PLEKHH1: variants seen among roughly 807,000 people sequenced by gnomAD.
The protein encoded by PLEKHH1 is pleckstrin homology domain-containing family H member 1.
In PLEKHH1, 104 loss-of-function variants were observed where a neutral mutation model predicts 160.0. The observed-to-expected ratio is 0.65, with a 90% CI of 0.55 to 0.76. The LOEUF (loss-of-function observed/expected upper bound fraction) is 0.76, where lower values mean the gene tolerates loss of function less well. PLEKHH1 is among the 30% of genes least tolerant of loss of function. The pLI is 0.00. For missense variants in PLEKHH1, 1,427 were observed against 1,724.1 expected (o/e 0.83, Z 3.05); for synonymous variants, 619 against 678.4 (o/e 0.91, Z 1.36).
rs140809137 is a variant in PLEKHH1 at position 67,556,412 on chromosome 14, A to G, written c.189+525A>G. On this transcript the variant is annotated intron_variant, in intron 3 of 28. Coordinates refer to ENST00000329153, the MANE Select transcript of PLEKHH1 (RefSeq NM_020715.3). ...CAGCCTCCCAAAGTGCTGAGATTAC[A>G]GGCGTGAGCCACTGTGCCTAGCCTT... is the stretch of plus-strand genomic sequence containing the variant. Among the ~76,000 whole-genome samples the G allele has an allele frequency of 7.3e-4, 111 of 152,292 alleles. 1 individual carries two copies. The highest frequency in any genetic ancestry group is 2.5e-3 in the African/African-American group (104 of 41,558).
At chr14:67,579,492 A>G in intron 21 of PLEKHH1, 181 bp downstream of exon 21, 1 of 667,626 alleles carries the variant, frequency 1.5e-6, no homozygotes, top group Non-Finnish European at 2.5e-6. Context: ...AGGGCCTCCA[A>G]AAGATTGTTG....
At chr14:67,544,074 C>A (rs184662601) in intron 2 of PLEKHH1, among the ~76,000 whole-genome samples, 1 of 152,020 alleles carries the variant, frequency 6.6e-6, no homozygotes, top group African/African-American at 2.4e-5. Context: ...TGCATCAAGT[C>A]AGGACTATTA....
rs1186077406 is a variant in PLEKHH1, at chr14:67,582,113, G to A, written c.3329G>A (p.Arg1110Gln). The A allele has an allele frequency of 4.3e-6, 7 of 1,613,314 alleles. No individual in the cohort carries two copies. In the Admixed American group the frequency reaches 6.7e-5, roughly 15 times the overall value. The change falls in exon 24 of 29, where the codon CGG (arginine) becomes CAG (glutamine). Residue 1110 changes from arginine (R) to glutamine (Q), a missense_variant. Coordinates refer to ENST00000329153, the MANE Select transcript of PLEKHH1 (RefSeq NM_020715.3). This position sits in a 1 kb window ranked among gnomAD's most constrained non-coding sequence, Gnocchi z 5.0. Reference sequence around the variant, plus strand: ...GTCAAAGGGGAGACGGACCGAGAACGGCTGCTCCTTGCCTCTCAAACCAGT... The same window carrying A: ...GTCAAAGGGGAGACGGACCGAGAACAGCTGCTCCTTGCCTCTCAAACCAGT... ...SQVKGETDRE[R>Q]LLLASQTSRE...
chr14:67,541,959 A>G lies in PLEKHH1; in HGVS notation c.92A>G (p.Gln31Arg), dbSNP rs778244812. The G allele has an allele frequency of 3.7e-5, 60 of 1,607,784 alleles. No homozygotes were observed. Among genetic ancestry groups the G allele is most frequent in the Non-Finnish European group, 5.0e-5 (59 of 1,177,350 alleles). ...ACTCAGCTTTTCCGGTTCCGCCTAC[A>G]GGCCAGCAAGATAAGGGAGCTGCTG... ...LETQLFRFRL[Q>R]ASKIRELLAD... is the part of the protein sequence containing the mutation. Residue 31 changes from glutamine to arginine, a missense_variant, in exon 2 of 29, where the codon CAG becomes CGG. By Grantham distance (43) the Gln-to-Arg change is conservative. This residue lies in a region of PLEKHH1 where 831 missense variants were observed against 929.2 expected (regional missense o/e 0.89). Transcript: ENST00000329153.
intron 25 of PLEKHH1, 38 bp downstream of exon 25, chr14:67,583,921 G>A (rs752026210): frequency 1.2e-6 from 2 of 1,611,814 alleles, no homozygotes; most frequent in South Asian, 2.2e-5. Context: ...AGTCACTGTG[G>A]GGAGGTCTCA....
chr14:67,548,328 T>A (rs2034258546), intron 2 of PLEKHH1, among the ~76,000 whole-genome samples: 1 of 152,214 alleles, frequency 6.6e-6, no homozygotes, highest in African/African-American at 2.4e-5. Context: ...ATGGCATCAA[T>A]ATTAGAACTA....
chr14:67,550,414 C>G (rs2034350661), intron 2 of PLEKHH1, among the ~76,000 whole-genome samples: 1 of 152,208 alleles, frequency 6.6e-6, no homozygotes, highest in Non-Finnish European at 1.5e-5. Context: ...GTCTCCAAGT[C>G]CTGAGCTCAA....
Position 67,574,098 on chromosome 14 carries a change from T to G in PLEKHH1, c.1927-144T>G, listed in dbSNP as rs2140482784. On this transcript the variant is annotated intron_variant, in intron 13 of 28. Transcript: ENST00000329153. The surrounding 1 kb of genome is among the most constrained non-coding windows in gnomAD (Gnocchi z 4.2). The stretch of plus-strand genomic sequence containing the variant: ...GGAAGGAGAGACAGGGAGGAAAAGA[T>G]GAGGAGGAAAAGAAAGGAGGGAGCA... 7 of 725,762 alleles carry G rather than the reference T, an allele frequency of 9.6e-6. No homozygotes were observed. Among genetic ancestry groups the G allele is most frequent in the South Asian group, 3.8e-5 (2 of 52,604 alleles). The allele number at this position is 725,762 out of a possible 1,614,324, so 45.0% of individuals were successfully genotyped here. A position where few individuals can be genotyped will look rare whatever the true frequency, so the allele number is the denominator to read the frequency against.
intron 1 of PLEKHH1, among the ~76,000 whole-genome samples, chr14:67,539,337 T>C (rs1215423440): frequency 1.3e-5 from 2 of 152,162 alleles, no homozygotes; most frequent in Non-Finnish European, 2.9e-5. Flanking sequence ...GAGATGGGGA[T>C]TGCTGGGAGG....
At chr14:67,561,822 A>T in intron 5 of PLEKHH1, 132 bp from the exon 6 acceptor site, 1 of 681,970 alleles carries the variant, frequency 1.5e-6, no homozygotes, top group Non-Finnish European at 2.5e-6. Flanking sequence ...GTGAGCCAAA[A>T]TTGCTCCACT....
chr14:67,579,271 C>A lies in PLEKHH1; in HGVS notation c.2987C>A (p.Pro996His). 6.3e-7 allele frequency: 1 copy of A among 1,584,042 alleles called. No individual in the cohort carries two copies. The change falls in exon 21 of 29, where the codon CCC becomes CAC. Residue 996 changes from proline to histidine, a missense_variant. Transcript: ENST00000329153. ...CGTAACCCCTTCCACCACTCCTTGC[C>A]CTTCAGCATCCCCGTGCACTTTACC... ...LLRNPFHHSLPFSIPVHFTNG... is the reference protein window; with the variant it reads ...LLRNPFHHSLHFSIPVHFTNG...
chr14:67,584,120 C>T lies in PLEKHH1; in HGVS notation c.3695C>T (p.Ala1232Val), dbSNP rs746792791. Residue 1232 changes from alanine to valine, a missense_variant, in exon 26 of 29, where the codon GCT (alanine) becomes GTT (valine). This residue lies in a region of PLEKHH1 where 56 missense variants were observed against 53.0 expected (regional missense o/e 1.06). Transcript: ENST00000329153. ...TTCTTTGGTGCTAAACTTTTTGCTG[C>T]TCAGGTAAGTGCCAGTGGAAGGAGC... ...WPFFGAKLFA[A>V]QPAQLSSKEN... 6.2e-7 allele frequency: 1 copy of T among 1,613,180 alleles called. No homozygotes were observed. The highest frequency in any genetic ancestry group is 1.7e-5 in the Admixed American group (1 of 60,008).
chr14:67,568,951 T>C (rs2035238502), intron 7 of PLEKHH1, 187 bp from the exon 8 acceptor site: 2 of 573,988 alleles, frequency 3.5e-6, no homozygotes, highest in South Asian at 4.2e-5. Flanking sequence ...GTAAGTATTA[T>C]TACCTCCATT....
intron 7 of PLEKHH1, 144 bp downstream of exon 7, chr14:67,563,038 G>A: frequency 1.3e-6 from 1 of 781,370 alleles, no homozygotes; most frequent in South Asian, 1.9e-5. Flanking sequence ...TGGAGCCTGT[G>A]CAGACCACAC....
rs142002833 is a variant in PLEKHH1 at position 67,565,479 on chromosome 14, A to G, written c.1263+2585A>G. On this transcript the variant is annotated intron_variant, in intron 7 of 28. Transcript: ENST00000329153. ...AGGCTAGTCTCAAACTCCTGGCCTCAAGTGATCCTCCTTTGTCAGCCATAA... is the reference window on the plus strand; with the variant it reads ...AGGCTAGTCTCAAACTCCTGGCCTCGAGTGATCCTCCTTTGTCAGCCATAA... Among the ~76,000 whole-genome samples the G allele has an allele frequency of 2.2e-3, 342 of 152,224 alleles. 3 individuals are homozygous for G. Among genetic ancestry groups the G allele is most frequent in the African/African-American group, 8.1e-3 (335 of 41,530 alleles).
In PLEKHH1 at chr14:67,587,227, T is replaced by C. The variant is rs1483782584; in HGVS notation, c.4087T>C (p.Leu1363=). The C allele has an allele frequency of 3.1e-6, 5 of 1,613,638 alleles. No individual in the cohort carries two copies. The highest frequency in any genetic ancestry group is 2.7e-5 in the African/African-American group (2 of 74,900). The change falls in exon 29 of 29, where the codon TTG becomes CTG. Residue 1363 remains leucine (L), a synonymous_variant. Transcript: ENST00000329153. ...SVSCATKGPT[L]L is the part of the protein sequence containing the mutation. ...TTCCTGTGCTACCAAGGGGCCAACG[T>C]TGCTGTGAATATTTCTCCTACCCGA...
intron 22 of PLEKHH1, 127 bp downstream of exon 22, chr14:67,580,003 C>T: frequency 4.7e-6 from 4 of 853,324 alleles, no homozygotes; most frequent in Non-Finnish European, 7.1e-6. Context: ...AAGGTGCTGC[C>T]CTAGTCAGCA....
rs372514674 is a variant in PLEKHH1, at chr14:67,575,424, C to T, written c.2121C>T (p.Cys707=). The change falls in exon 15 of 29, where the codon TGC becomes TGT. Residue 707 remains cysteine (C), a synonymous_variant. Transcript: ENST00000329153. ...ATGGCCACTCCAAGGTGGTCTGGTG[C>T]GCTCTTGTTGGGAAAATCTTCTACT... is the stretch of plus-strand genomic sequence containing the variant. ...VKHGHSKVVW[C]ALVGKIFYYY... 2.0e-5 allele frequency: 32 copies of T among 1,609,720 alleles called. No homozygotes were observed. The highest frequency in any genetic ancestry group is 1.4e-4 in the South Asian group (13 of 89,884).
intron 3 of PLEKHH1, among the ~76,000 whole-genome samples, chr14:67,556,295 A>G (rs2034591656): frequency 6.6e-6 from 1 of 152,218 alleles, no homozygotes. Flanking sequence ...TGGCAAGGAA[A>G]GAAAGCTGGA....
Sources: gnomAD v4.1 joint callset for allele counts (sites outside exome capture counted in the v4.1 genomes callset) on GRCh38, gnomAD v4.1.1 for gene constraint, gnomAD v4.1.1 regional missense constraint, Gnocchi (gnomAD v3.1) non-coding constraint, MANE v1.5 for transcripts, NCBI Gene and HGNC (gene_info 2026-07-23, HGNC 2026-07-21) for gene names.